The following ANKHD1 variants were observed in gnomAD, a reference collection of about 807,000 sequenced individuals.
The protein encoded by ANKHD1 is ankyrin repeat and KH domain containing 1.
Under a neutral mutation model 230.5 loss-of-function variants are expected in ANKHD1, and 31 were observed. The observed-to-expected ratio is 0.13, with a 90% CI of 0.10 to 0.18. The LOEUF is 0.18. ANKHD1 is among the 10% of genes least tolerant of loss of function. The pLI, the probability that ANKHD1 is intolerant of heterozygous loss-of-function variation, is 1.00. For missense variants in ANKHD1, 2,256 were observed against 3,071.3 expected (o/e 0.73, Z 6.27); for synonymous variants, 1,074 against 1,117.6 (o/e 0.96, Z 0.78).
At chr5:140,413,204 A>G (rs1771080495) in intron 1 of ANKHD1, among the ~76,000 whole-genome samples, 1 of 152,204 alleles carries the variant, frequency 6.6e-6, no homozygotes, top group South Asian at 2.1e-4. Flanking sequence ...AATGAGGACA[A>G]TTAGATTGAG....
At chr5:140,525,657 C>G (rs1479853722) in intron 25 of ANKHD1, among the ~76,000 whole-genome samples, 2 of 152,046 alleles carry the variant, frequency 1.3e-5, no homozygotes, top group South Asian at 4.1e-4. Context: ...ATCTTGAGGT[C>G]AGGAGTTTGA....
At chr5:140,519,066 C>G (rs1242010820) in intron 24 of ANKHD1, among the ~76,000 whole-genome samples, 8 of 152,190 alleles carry the variant, frequency 5.3e-5, no homozygotes, top group Admixed American at 5.2e-4. Flanking sequence ...TCTCCTTAAG[C>G]TGATAAGCAA....
Position 140,485,396 on chromosome 5 carries a change from A to AC in ANKHD1, c.1998+148_1998+149insC, listed in dbSNP as rs1180011332. ...ACATAAGGAGACCCCATCTCTATTA[A>AC]AACACACACACACACACACACACAC... is the stretch of plus-strand genomic sequence containing the variant. On this transcript the variant is annotated intron_variant, in intron 12 of 33. Transcript: ENST00000360839. The surrounding 1 kb of genome is among the most constrained non-coding windows in gnomAD (Gnocchi z 4.8). 154 of 1,138,924 alleles carry AC rather than the reference A, an allele frequency of 1.4e-4. No individual in the cohort carries two copies. The highest frequency in any genetic ancestry group is 1.7e-4 in the Non-Finnish European group (143 of 846,806). 70.6% of individuals were successfully genotyped at this position (1,138,924 alleles called of 1,614,324 possible).
intron 24 of ANKHD1, among the ~76,000 whole-genome samples, chr5:140,513,965 G>A (rs1752873121): frequency 6.6e-6 from 1 of 151,772 alleles, no homozygotes; most frequent in Non-Finnish European, 1.5e-5. Context: ...GCAGTGAGCT[G>A]TGATTGTGCC....
chr5:140,445,002 ATGCCACCATTCCTGG>A, intron 5 of ANKHD1, among the ~76,000 whole-genome samples: 1 of 152,060 alleles, frequency 6.6e-6, no homozygotes, highest in African/African-American at 2.4e-5. Context: ...CTACAGGGGT[ATGCCACCATTCCTGG>A]CTCAGTTTTT....
intron 29 of ANKHD1, among the ~76,000 whole-genome samples, chr5:140,531,690 A>G (rs989152891): frequency 1.3e-5 from 2 of 152,198 alleles, no homozygotes; most frequent in South Asian, 2.1e-4. Context: ...TTGGAAAAAC[A>G]GTTTCACAGT....
chr5:140,538,513 C>T (rs1352465134), intron 32 of ANKHD1, among the ~76,000 whole-genome samples: 1 of 152,182 alleles, frequency 6.6e-6, no homozygotes, highest in Admixed American at 6.5e-5. Flanking sequence ...AGGGAGGCCT[C>T]TACCCCTCTT....
rs1752057685 is a variant in ANKHD1 at position 140,496,703 on chromosome 5, A to G, written c.2429A>G (p.Glu810Gly). 6.2e-7 allele frequency: 1 copy of G among 1,613,924 alleles called. No individual in the cohort carries two copies. Among genetic ancestry groups the G allele is most frequent in the Admixed American group, 1.7e-5 (1 of 59,974 alleles). ...AAGTCACTGGAGTTAATTCAAGGTG[A>G]ACCTCTGAACAAAGATAAGATAGAA... is the stretch of plus-strand genomic sequence containing the variant. ...QLKSLELIQG[E>G]PLNKDKIEEL... Residue 810 changes from glutamate to glycine, a missense_variant, in exon 15 of 34, where the codon GAA becomes GGA. By Grantham distance (98) the Glu-to-Gly change is moderately conservative. Coordinates refer to ENST00000360839, the MANE Select transcript of ANKHD1 (RefSeq NM_017747.3).
intron 10 of ANKHD1, among the ~76,000 whole-genome samples, chr5:140,468,170 G>A (rs192882318): frequency 1.2e-4 from 16 of 131,132 alleles, no homozygotes; most frequent in African/African-American, 4.7e-4. Flanking sequence ...CTCCTCCTGG[G>A]TTCAAATGAT....
At chr5:140,523,161 T>C (rs1753437728) in intron 24 of ANKHD1, among the ~76,000 whole-genome samples, 1 of 149,382 alleles carries the variant, frequency 6.7e-6, no homozygotes, top group Non-Finnish European at 1.5e-5. Context: ...TTGCCAAGGC[T>C]GAGTGCAGTG....
intron 15 of ANKHD1, among the ~76,000 whole-genome samples, chr5:140,499,109 A>G (rs1752165140): frequency 6.6e-6 from 1 of 152,214 alleles, no homozygotes; most frequent in South Asian, 2.1e-4. Context: ...GCCAACAGGT[A>G]CAAAAATTAT....
chr5:140,477,709 T>C (rs1304877476), intron 10 of ANKHD1, among the ~76,000 whole-genome samples: 1 of 152,204 alleles, frequency 6.6e-6, no homozygotes, highest in African/African-American at 2.4e-5. Context: ...CCCACCGGGT[T>C]CAAGAAATTC....
intron 9 of ANKHD1, among the ~76,000 whole-genome samples, chr5:140,461,673 A>G (rs1775713363): frequency 6.6e-6 from 1 of 152,190 alleles, no homozygotes; most frequent in Admixed American, 6.5e-5. Context: ...ATTTTTATTT[A>G]AAAGAAACAT....
At chr5:140,488,215 TTC>T (rs1751591500) in intron 14 of ANKHD1, among the ~76,000 whole-genome samples, 2 of 152,202 alleles carry the variant, frequency 1.3e-5, no homozygotes, top group African/African-American at 4.8e-5. Context: ...TTTTATTGTT[TTC>T]TTTGGGGGGG....
At chr5:140,458,999 T>TATATATATATATATGC (rs1775495314) in intron 8 of ANKHD1, 137 bp downstream of exon 8, 5 of 42,340 alleles carry the variant, frequency 1.2e-4, no homozygotes, top group African/African-American at 5.7e-4. Flanking sequence ...TATATATGCA[T>TATATATATATATATGC]ATATATATAT....
In ANKHD1 at chr5:140,401,900, G is replaced by T. The variant is rs775488024; in HGVS notation, c.-68G>T. The T allele has an allele frequency of 5.3e-6, 8 of 1,502,334 alleles. No homozygotes were observed. The South Asian group carries it at 1.1e-4, about 20-fold the overall frequency. 93.1% of individuals were successfully genotyped at this position (1,502,334 alleles called of 1,614,324 possible). On this transcript the variant is annotated 5_prime_UTR_variant, in exon 1 of 34. Coordinates refer to ENST00000360839, the MANE Select transcript of ANKHD1 (RefSeq NM_017747.3). ...GCTTCTTCCTCTTGCTGCTCTTCTCGTTCCCGAGATCAGCGGCGGCGGTGA... is the reference window on the plus strand; with the variant it reads ...GCTTCTTCCTCTTGCTGCTCTTCTCTTTCCCGAGATCAGCGGCGGCGGTGA...
intron 6 of ANKHD1, 73 bp from the exon 7 acceptor site, chr5:140,449,138 A>G: frequency 2.8e-6 from 4 of 1,439,138 alleles, no homozygotes; most frequent in Non-Finnish European, 3.8e-6. Context: ...CTGAAGAAAA[A>G]GATTCCATAC....
At chr5:140,450,924 G>A (rs1429928970) in intron 7 of ANKHD1, among the ~76,000 whole-genome samples, 9 of 151,992 alleles carry the variant, frequency 5.9e-5, no homozygotes, top group African/African-American at 1.2e-4. Flanking sequence ...AGGCTGAGGC[G>A]GGTGGATCAC....
At chr5:140,415,439 C>CT (rs1293254094) in intron 1 of ANKHD1, among the ~76,000 whole-genome samples, 2,638 of 136,356 alleles carry the variant, frequency 0.019, 32 homozygotes, top group East Asian at 0.028. Context: ...TTTGATACCT[C>CT]TTTTTTTTTT....
Sources: allele counts gnomAD v4.1 joint callset (sites outside exome capture counted in the v4.1 genomes callset), GRCh38; gene constraint gnomAD v4.1.1; non-coding constraint Gnocchi (gnomAD v3.1); transcripts MANE v1.5; gene names NCBI Gene and HGNC (gene_info 2026-07-23, HGNC 2026-07-21).